CAND1: variants seen among roughly 807,000 people sequenced by gnomAD.
CAND1 encodes the protein cullin associated and neddylation dissociated 1.
CAND1 carries 7 observed loss-of-function variants against 108.5 expected under a neutral mutation model. That is an observed-to-expected ratio of 0.06 (90% CI 0.04 to 0.12). CAND1 has a LOEUF of 0.12. CAND1 is among the 10% of genes least tolerant of loss of function. The probability of loss-of-function intolerance (pLI) is 1.00; values close to 1 mark genes in which losing one functional copy is unlikely to be tolerated. For missense variants in CAND1, 941 were observed against 1,448.7 expected (o/e 0.65, Z 5.69); for synonymous variants, 534 against 512.0 (o/e 1.04, Z -0.58).
intron 1 of CAND1, among the ~76,000 whole-genome samples, chr12:67,279,313 T>C (rs2044598822): frequency 6.6e-6 from 1 of 152,182 alleles, no homozygotes; most frequent in South Asian, 2.1e-4. Context: ...TTTTATAAAA[T>C]GTATTGAGAT....
intron 1 of CAND1, 109 bp downstream of exon 1, chr12:67,269,894 GC>G: frequency 1.1e-6 from 1 of 879,132 alleles, no homozygotes. Context: ...TAGCTTCTCT[GC>G]CCCGAAGTCT....
At chr12:67,312,168 T>G (rs372440905) in intron 14 of CAND1, among the ~76,000 whole-genome samples, 5 of 19,266 alleles carry the variant, frequency 2.6e-4, no homozygotes, top group Non-Finnish European at 7.4e-4. Flanking sequence ...AAAATCAAGA[T>G]TTTTTTTTTT....
intron 3 of CAND1, among the ~76,000 whole-genome samples, chr12:67,294,803 T>A (rs1476777338): frequency 1.3e-5 from 2 of 152,194 alleles, no homozygotes; most frequent in African/African-American, 2.4e-5. Flanking sequence ...AGATCTCCTG[T>A]GTCTCATGAT....
At chr12:67,286,363 T>G (rs1001026575) in intron 2 of CAND1, among the ~76,000 whole-genome samples, 3 of 152,158 alleles carry the variant, frequency 2.0e-5, no homozygotes, top group African/African-American at 7.2e-5. Context: ...TCACTTAGCT[T>G]TTTATGAAAA....
intron 11 of CAND1, among the ~76,000 whole-genome samples, chr12:67,309,175 C>T (rs1466616601): frequency 6.6e-6 from 1 of 151,978 alleles, no homozygotes; most frequent in Non-Finnish European, 1.5e-5. Flanking sequence ...TGCACAAAAT[C>T]ATACATTTAA....
In CAND1 at chr12:67,302,519, T is replaced by G. The variant is rs777351939; in HGVS notation, c.1197T>G (p.Leu399=). 4 of 1,614,154 alleles carry G rather than the reference T, an allele frequency of 2.5e-6. No homozygotes were observed. The highest frequency in any genetic ancestry group is 3.4e-6 in the Non-Finnish European group (4 of 1,179,994). The change falls in exon 8 of 15, where the codon CTT becomes CTG. Residue 399 remains leucine, a synonymous_variant. Transcript: ENST00000545606. ...AGGCAGATGTTTTTCACGCATACCT[T>G]TCTCTTTTGAAGCAAACTCGTCCTG... ...NVKADVFHAY[L]SLLKQTRPVQ... is the part of the protein sequence containing the mutation.
At position 67,303,992 on chromosome 12, in the gene CAND1, C is replaced by CT. The variant is rs397849975; in HGVS notation, c.1294-597dup. ...TGATTTGATTAATTTCTTTCTTTCT[C>CT]TTTTTTTTTTTTTTTTGAGATGGAG... On this transcript the variant is annotated intron_variant, in intron 8 of 14. Coordinates refer to ENST00000545606, the MANE Select transcript of CAND1 (RefSeq NM_018448.5). Among the ~76,000 whole-genome samples, 548 of 138,502 alleles carry CT rather than the reference C, an allele frequency of 4.0e-3. 3 individuals carry two copies. Among genetic ancestry groups the CT allele is most frequent in the South Asian group, 8.9e-3 (39 of 4,382 alleles). The allele number at this position is 138,502 out of a possible 152,430, so 90.9% of individuals were successfully genotyped here.
chr12:67,298,923 C>CA, intron 6 of CAND1, 27 bp from the exon 7 acceptor site: 4 of 1,422,742 alleles, frequency 2.8e-6, no homozygotes, highest in Non-Finnish European at 3.9e-6. Context: ...TGCAGCTCTT[C>CA]AAGGCAGCTT....
intron 14 of CAND1, among the ~76,000 whole-genome samples, chr12:67,312,138 A>G (rs369447362): frequency 1.7e-4 from 26 of 150,592 alleles, no homozygotes; most frequent in Non-Finnish European, 3.0e-5. Flanking sequence ...TAGGTTGACA[A>G]CATTTGCAAT....
At chr12:67,289,787 C>T (rs1044092622) in intron 2 of CAND1, among the ~76,000 whole-genome samples, 1 of 152,118 alleles carries the variant, frequency 6.6e-6, no homozygotes, top group Non-Finnish European at 1.5e-5. Flanking sequence ...TCAGTTATCA[C>T]TGTCTTCATT....
At chr12:67,297,993 A>C in intron 6 of CAND1, 140 bp downstream of exon 6, 1 of 461,032 alleles carries the variant, frequency 2.2e-6, no homozygotes, top group Non-Finnish European at 3.8e-6. Flanking sequence ...AACTAATGTC[A>C]TCTTGCTATT....
chr12:67,285,895 G>A (rs889058657), intron 2 of CAND1, among the ~76,000 whole-genome samples: 1 of 152,026 alleles, frequency 6.6e-6, no homozygotes, highest in Admixed American at 6.6e-5. Context: ...GTCCATTGAT[G>A]GTTTGTTTAT....
chr12:67,284,725 CAA>C lies in CAND1; in HGVS notation c.212+2674_212+2675del, dbSNP rs543751375. Reference sequence around the variant, plus strand: ...GCATGTACACACACACACACACACACAAACTTTCTTCAGCCCATGCACACATA... The same window carrying C: ...GCATGTACACACACACACACACACACACTTTCTTCAGCCCATGCACACATA... On this transcript the variant is annotated intron_variant, in intron 2 of 14. Coordinates refer to ENST00000545606, the MANE Select transcript of CAND1 (RefSeq NM_018448.5). Among the ~76,000 whole-genome samples, 1,003 of 151,846 alleles carry C rather than the reference CAA, an allele frequency of 6.6e-3. 26 individuals are homozygous for C. In the East Asian group the frequency reaches 0.085, roughly 13 times the overall value.
intron 1 of CAND1, 196 bp downstream of exon 1, chr12:67,269,981 A>G (rs1288067336): frequency 3.8e-6 from 2 of 526,008 alleles, no homozygotes; most frequent in South Asian, 2.5e-5. Flanking sequence ...CCCTCCCCCC[A>G]TTCTTTCTCC....
intron 1 of CAND1, among the ~76,000 whole-genome samples, chr12:67,280,886 G>C (rs983357420): frequency 3.3e-5 from 5 of 152,016 alleles, no homozygotes; most frequent in Admixed American, 6.6e-5. Flanking sequence ...TAAGGGGAGG[G>C]GAGGTGGGCG....
At chr12:67,306,930 A>T (rs1381533418) in intron 10 of CAND1, among the ~76,000 whole-genome samples, 1 of 152,176 alleles carries the variant, frequency 6.6e-6, no homozygotes, top group East Asian at 1.9e-4. Flanking sequence ...AATTACAATA[A>T]GTATAATTGG....
intron 1 of CAND1, among the ~76,000 whole-genome samples, chr12:67,280,265 A>G (rs113735711): frequency 6.6e-6 from 1 of 152,206 alleles, no homozygotes; most frequent in African/African-American, 2.4e-5. Context: ...ACTTGCATGT[A>G]GTGTAAAACT....
Position 67,302,216 on chromosome 12 carries a change from GA to G in CAND1, c.1001-104del, listed in dbSNP as rs1257523154. 1.6e-5 allele frequency: 16 copies of G among 988,670 alleles called. No individual in the cohort carries two copies. In the East Asian group the frequency reaches 3.6e-4, roughly 22 times the overall value. The allele number at this position is 988,670 out of a possible 1,614,324, so 61.2% of individuals were successfully genotyped here. A position where few individuals can be genotyped will look rare whatever the true frequency, so the allele number is the denominator to read the frequency against. Reference sequence around the variant, plus strand: ...CTACCTGTTGCTGTATATGTTACCGGAAAGTTAGATTAACTGATTTGGTTAA... The same window carrying G: ...CTACCTGTTGCTGTATATGTTACCGGAAGTTAGATTAACTGATTTGGTTAA... On this transcript the variant is annotated intron_variant, in intron 7 of 14. Coordinates refer to ENST00000545606, the MANE Select transcript of CAND1 (RefSeq NM_018448.5).
In CAND1 at chr12:67,305,698, T is replaced by A. The variant is rs2044875045; in HGVS notation, c.2030T>A (p.Leu677Gln). ...GGTACTCTTTCTGCCCTTGATATTC[T>A]AATAAAAAACTATAGTGACAGCTTG... ...KLGTLSALDI[L>Q]IKNYSDSLTA... The change falls in exon 10 of 15, where the codon CTA becomes CAA. Residue 677 changes from leucine (L) to glutamine (Q), a missense_variant. Leu to Gln is a moderately radical substitution (Grantham distance 113, BLOSUM62 -2). This residue lies in a region of CAND1 where 697 missense variants were observed against 942.0 expected (regional missense o/e 0.74). Coordinates refer to ENST00000545606, the MANE Select transcript of CAND1 (RefSeq NM_018448.5). This position sits in a 1 kb window ranked among gnomAD's most constrained non-coding sequence, Gnocchi z 4.4. 2 of 1,614,044 alleles carry A rather than the reference T, an allele frequency of 1.2e-6. No homozygotes were observed. The highest frequency in any genetic ancestry group is 1.7e-6 in the Non-Finnish European group (2 of 1,179,974).
Sources: gnomAD v4.1 joint callset for allele counts (sites outside exome capture counted in the v4.1 genomes callset) on GRCh38, gnomAD v4.1.1 for gene constraint, gnomAD v4.1.1 regional missense constraint, Gnocchi (gnomAD v3.1) non-coding constraint, MANE v1.5 for transcripts, NCBI Gene and HGNC (gene_info 2026-07-23, HGNC 2026-07-21) for gene names.